The following LRRC37A variants were observed in gnomAD, a reference collection of about 807,000 sequenced individuals.
LRRC37A encodes the protein leucine rich repeat containing 37A, also known as leucine-rich repeat-containing protein 37A.
LRRC37A carries 3 observed loss-of-function variants against 35.4 expected under a neutral mutation model. The ratio of observed to expected loss-of-function variants is 0.08; its 90% CI spans 0.04 to 0.22. LRRC37A has a LOEUF of 0.22. Ranked by LOEUF, LRRC37A falls within the 10% of genes least tolerant of loss-of-function variation. The pLI is 1.00. For synonymous variants in LRRC37A, 23 were observed against 215.0 expected (o/e 0.11, Z 7.81); for missense variants, 67 against 565.3 (o/e 0.12, Z 8.94).
the LRRC37A span, among the ~76,000 whole-genome samples, chr17:46,250,438 T>C: frequency 1.3e-5 from 2 of 152,204 alleles, no homozygotes; most frequent in African/African-American, 4.8e-5. Flanking sequence ...GTCAGCGGGC[T>C]GAGAAAGGCA....
At chr17:46,293,020 C>T (rs569335234), upstream of LRRC37A, 3 of 49,032 alleles carry the variant, frequency 6.1e-5, no homozygotes, top group South Asian at 1.1e-3. Flanking sequence ...GTGGTATGAT[C>T]CCAGCTCATT....
the LRRC37A span, chr17:46,275,196 T>C: frequency 9.3e-6 from 3 of 321,276 alleles, no homozygotes; most frequent in Non-Finnish European, 1.6e-5. Flanking sequence ...CTGGCAACTT[T>C]GCTTTTTTCT....
Position 46,325,577 on chromosome 17 carries a change from G to A in LRRC37A, c.3053+2550G>A, listed in dbSNP as rs1264637751. The stretch of plus-strand genomic sequence containing the variant: ...TCATGTACTAAGTGTAATGTCTGAT[G>A]TTTGATTGGATTCTGAATTTTTTAA... On this transcript the variant is annotated intron_variant, in intron 7 of 13. Transcript: ENST00000320254. Among the ~76,000 whole-genome samples the A allele has an allele frequency of 2.4e-5, 2 of 81,834 alleles. 1 individual carries two copies. Among genetic ancestry groups the A allele is most frequent in the Non-Finnish European group, 7.4e-5 (2 of 26,956 alleles). 53.7% of individuals were successfully genotyped at this position (81,834 alleles called of 152,430 possible).
intron 5 of LRRC37A, among the ~76,000 whole-genome samples, chr17:46,312,715 C>CA (rs1402212365): frequency 5.6e-5 from 4 of 71,038 alleles, no homozygotes; most frequent in Non-Finnish European, 1.1e-4. Context: ...GTTTTCATGC[C>CA]AAAAAAAAAT....
At chr17:46,252,097 C>T in the LRRC37A span, among the ~76,000 whole-genome samples, 1 of 152,192 alleles carries the variant, frequency 6.6e-6, no homozygotes, top group African/African-American at 2.4e-5. Context: ...TAAATGGAAT[C>T]ATTTGGCAAA....
chr17:46,278,091 C>A, the LRRC37A span, among the ~76,000 whole-genome samples: 26 of 152,210 alleles, frequency 1.7e-4, no homozygotes, highest in African/African-American at 6.0e-4. Flanking sequence ...GACTTACAGG[C>A]GTGCACCACC....
chr17:46,308,039 AATC>A lies in LRRC37A; in HGVS notation c.2906+1743_2906+1745del, dbSNP rs1173177356. Among the ~76,000 whole-genome samples the A allele has an allele frequency of 6.8e-5, 5 of 73,140 alleles. 2 individuals are homozygous for A. The highest frequency in any genetic ancestry group is 1.8e-4 in the African/African-American group (5 of 28,426). The allele number at this position is 73,140 out of a possible 152,430, so 48.0% of individuals were successfully genotyped here. ...ATAATAATAATAATATAATAATAATAATCATCATCATCATCTAGCCAGCTTCAC... is the reference window on the plus strand; with the variant it reads ...ATAATAATAATAATATAATAATAATAATCATCATCATCTAGCCAGCTTCAC... On this transcript the variant is annotated intron_variant, in intron 5 of 13. Transcript: ENST00000320254.
the LRRC37A span, among the ~76,000 whole-genome samples, chr17:46,265,297 CTTCTTCTTCTTCT>C: frequency 3.1e-5 from 3 of 98,020 alleles, no homozygotes; most frequent in African/African-American, 9.1e-5. Flanking sequence ...TCTTCTTCTT[CTTCTTCTTCTTCT>C]TCTTCCTCTT....
At chr17:46,249,810 ATTGT>A in the LRRC37A span, among the ~76,000 whole-genome samples, 3 of 152,076 alleles carry the variant, frequency 2.0e-5, no homozygotes, top group East Asian at 1.9e-4. Flanking sequence ...AGCGCCTCTG[ATTGT>A]TTGTTTTTGA....
At chr17:46,278,644 C>T in the LRRC37A span, among the ~76,000 whole-genome samples, 1 of 151,986 alleles carries the variant, frequency 6.6e-6, no homozygotes. Flanking sequence ...CCTCGTGATA[C>T]ACCCGCCTCG....
chr17:46,267,011 C>T, the LRRC37A span: 20,665 of 161,748 alleles, frequency 0.13, 132 homozygotes, highest in Middle Eastern at 0.23. Context: ...CCCCGGCTCG[C>T]CGCCCGCGCC....
At chr17:46,271,906 T>A in the LRRC37A span, among the ~76,000 whole-genome samples, 1 of 152,172 alleles carries the variant, frequency 6.6e-6, no homozygotes, top group Non-Finnish European at 1.5e-5. Flanking sequence ...GGACTACAGG[T>A]GTGTGCCACT....
the LRRC37A span, among the ~76,000 whole-genome samples, chr17:46,276,576 T>C: frequency 2.0e-5 from 3 of 152,158 alleles, no homozygotes; most frequent in Non-Finnish European, 4.4e-5. Flanking sequence ...AGTGCAGTAA[T>C]GAAAACAATG....
the LRRC37A span, among the ~76,000 whole-genome samples, chr17:46,273,972 T>C: frequency 1.3e-5 from 2 of 152,254 alleles, no homozygotes; most frequent in Non-Finnish European, 2.9e-5. Flanking sequence ...CATTACCTTT[T>C]TCGTTAGTAT....
chr17:46,257,077 C>T, the LRRC37A span, among the ~76,000 whole-genome samples: 3 of 152,304 alleles, frequency 2.0e-5, no homozygotes, highest in Non-Finnish European at 2.9e-5. Flanking sequence ...CCAAGTAACT[C>T]AACCTTTCTG....
At chr17:46,327,939 T>C (rs2051833433) in intron 7 of LRRC37A, among the ~76,000 whole-genome samples, 1 of 63,300 alleles carries the variant, frequency 1.6e-5, no homozygotes, top group Admixed American at 1.8e-4. Context: ...ATGCAGTCTT[T>C]GTTATTTTTT....
chr17:46,251,841 C>T, the LRRC37A span, among the ~76,000 whole-genome samples: 3 of 151,698 alleles, frequency 2.0e-5, no homozygotes, highest in South Asian at 6.2e-4. Context: ...TAATATGGCC[C>T]TCATGGAGGC....
chr17:46,250,582 C>T, the LRRC37A span, among the ~76,000 whole-genome samples: 3 of 152,208 alleles, frequency 2.0e-5, no homozygotes, highest in Non-Finnish European at 4.4e-5. Flanking sequence ...TGCTTCTTAC[C>T]CTCCAACATC....
the LRRC37A span, among the ~76,000 whole-genome samples, chr17:46,258,418 C>T: frequency 6.6e-6 from 1 of 152,100 alleles, no homozygotes; most frequent in African/African-American, 2.4e-5. Flanking sequence ...ACCATGTTGG[C>T]CAGGATGGTC....
Sources: allele counts gnomAD v4.1 joint callset (sites outside exome capture counted in the v4.1 genomes callset), GRCh38; gene constraint gnomAD v4.1.1; transcripts MANE v1.5; gene names NCBI Gene and HGNC (gene_info 2026-07-23, HGNC 2026-07-21).